The following ZMYM2 variants were observed in gnomAD, a reference collection of about 807,000 sequenced individuals.
ZMYM2 encodes zinc finger MYM-type protein 2.
A neutral mutation model predicts 162.8 loss-of-function variants in ZMYM2; 56 were observed. The observed-to-expected ratio is 0.34, with a 90% CI of 0.28 to 0.43. The LOEUF (loss-of-function observed/expected upper bound fraction) is 0.43, where lower values mean the gene tolerates loss of function less well. Among genes scored for constraint, ZMYM2 ranks in the 20% least tolerant of loss-of-function variants. The probability of loss-of-function intolerance (pLI) is 1.00; values close to 1 mark genes in which losing one functional copy is unlikely to be tolerated. For synonymous variants in ZMYM2, 510 were observed against 541.6 expected (o/e 0.94, Z 0.81); for missense variants, 1,275 against 1,621.8 (o/e 0.79, Z 3.67).
At chr13:20,020,627 G>GT (rs1304101751) in intron 7 of ZMYM2, among the ~76,000 whole-genome samples, 1 of 148,886 alleles carries the variant, frequency 6.7e-6, no homozygotes, top group African/African-American at 2.4e-5. Flanking sequence ...ACTGAGGCTT[G>GT]TTTTTTGTTT....
Position 20,003,018 on chromosome 13 carries a change from A to T in ZMYM2, c.1016A>T (p.Gln339Leu). The T allele has an allele frequency of 6.2e-7, 1 of 1,614,196 alleles. No individual in the cohort carries two copies. The highest frequency in any genetic ancestry group is 8.5e-7 in the Non-Finnish European group (1 of 1,180,032). The change falls in exon 4 of 25, where the codon CAG (glutamine) becomes CTG (leucine). Residue 339 changes from glutamine to leucine, a missense_variant. By Grantham distance (113) the Gln-to-Leu change is moderately radical (BLOSUM62 -2). Transcript: ENST00000610343. ...VTCANCKKPL[Q>L]KGQTAYQRKG... ...TGTGCAAACTGCAAAAAACCTTTAC[A>T]GAAGGGCCAGACAGCTTATCAACGA...
the ZMYM2 span, among the ~76,000 whole-genome samples, chr13:19,928,705 G>A: frequency 6.6e-6 from 1 of 151,814 alleles, no homozygotes; most frequent in Non-Finnish European, 1.5e-5. Flanking sequence ...GCTGAGGCAG[G>A]ACAATGGCTT....
At chr13:20,009,238 A>G (rs533795818) in intron 6 of ZMYM2, among the ~76,000 whole-genome samples, 3 of 152,302 alleles carry the variant, frequency 2.0e-5, no homozygotes, top group East Asian at 1.9e-4. Flanking sequence ...ACAAATTTCT[A>G]TAGATGAAAT....
chr13:19,956,676 G>A (rs1357630743), upstream of ZMYM2, among the ~76,000 whole-genome samples: 3 of 152,174 alleles, frequency 2.0e-5, no homozygotes, highest in Non-Finnish European at 4.4e-5. Context: ...AATAACACTA[G>A]GGAATTAGTA....
chr13:20,001,257 T>TGGCACACACCTGTAATCC (rs1399790528), intron 3 of ZMYM2, among the ~76,000 whole-genome samples: 2 of 152,060 alleles, frequency 1.3e-5, no homozygotes, highest in African/African-American at 4.8e-5. Context: ...CTAGGTGTGG[T>TGGCACACACCTGTAATCC]GGCACACACC....
intron 16 of ZMYM2, 49 bp from the exon 17 acceptor site, chr13:20,061,004 T>C (rs950342907): frequency 4.6e-6 from 7 of 1,533,700 alleles, no homozygotes; most frequent in Middle Eastern, 1.7e-4. Context: ...TTTGGAAAAA[T>C]ACCTTTTAAT....
At chr13:19,998,620 A>T (rs977293708) in intron 3 of ZMYM2, among the ~76,000 whole-genome samples, 4 of 152,262 alleles carry the variant, frequency 2.6e-5, no homozygotes, top group Non-Finnish European at 4.4e-5. Flanking sequence ...AGTTACTGTG[A>T]TGATAGTTAA....
chr13:20,050,766 G>GT (rs1955251532), intron 12 of ZMYM2, among the ~76,000 whole-genome samples: 1 of 151,874 alleles, frequency 6.6e-6, no homozygotes, highest in Admixed American at 6.6e-5. Context: ...TTCTTGTATC[G>GT]TTTTTTGGTA....
chr13:19,878,849 G>A, the ZMYM2 span, among the ~76,000 whole-genome samples: 1 of 152,056 alleles, frequency 6.6e-6, no homozygotes, highest in Non-Finnish European at 1.5e-5. Flanking sequence ...TTGTTTCTTT[G>A]CTGTTGAATT....
At chr13:19,895,734 A>T in the ZMYM2 span, among the ~76,000 whole-genome samples, 2 of 151,846 alleles carry the variant, frequency 1.3e-5, no homozygotes, top group African/African-American at 4.9e-5. Context: ...ATTAAATTTC[A>T]ACCTGAATTT....
At chr13:20,069,093 C>G (rs747336321) in intron 21 of ZMYM2, among the ~76,000 whole-genome samples, 2 of 152,134 alleles carry the variant, frequency 1.3e-5, no homozygotes, top group Non-Finnish European at 2.9e-5. Context: ...GCATTACTTG[C>G]AAAATATAAC....
chr13:20,063,006 A>G (rs1451404317), intron 18 of ZMYM2, 35 bp downstream of exon 18: 7 of 1,574,598 alleles, frequency 4.4e-6, no homozygotes, highest in Non-Finnish European at 6.0e-6. Flanking sequence ...GAATTTAGTT[A>G]TGGAGTCAAC....
At chr13:20,020,325 C>A (rs1951970638) in intron 7 of ZMYM2, among the ~76,000 whole-genome samples, 1 of 151,876 alleles carries the variant, frequency 6.6e-6, no homozygotes, top group African/African-American at 2.4e-5. Flanking sequence ...ACCTCCGCCC[C>A]CTGGGTTCAA....
At chr13:20,045,160 T>A (rs1221915226) in intron 12 of ZMYM2, among the ~76,000 whole-genome samples, 4 of 152,026 alleles carry the variant, frequency 2.6e-5, no homozygotes, top group Non-Finnish European at 5.9e-5. Context: ...AGAACAGTAT[T>A]TAGTTTACTT....
intron 2 of ZMYM2, among the ~76,000 whole-genome samples, chr13:19,971,494 T>G (rs993968343): frequency 4.0e-5 from 6 of 151,782 alleles, no homozygotes; most frequent in African/African-American, 1.4e-4. Flanking sequence ...GGTCTCGAAC[T>G]CCTGATCTCA....
upstream of ZMYM2, among the ~76,000 whole-genome samples, chr13:19,955,206 T>C (rs1422312193): frequency 6.6e-6 from 1 of 152,036 alleles, no homozygotes; most frequent in Admixed American, 6.6e-5. Flanking sequence ...GGTAGAGATA[T>C]CAATATGGTC....
At chr13:19,946,516 C>A in the ZMYM2 span, among the ~76,000 whole-genome samples, 1 of 152,230 alleles carries the variant, frequency 6.6e-6, no homozygotes, top group Non-Finnish European at 1.5e-5. Context: ...TGGTCCTCAT[C>A]GTTATTCTGT....
the ZMYM2 span, among the ~76,000 whole-genome samples, chr13:19,872,976 G>A: frequency 4.0e-5 from 6 of 150,384 alleles, no homozygotes; most frequent in Admixed American, 4.1e-4. Context: ...CTCCAGCCAG[G>A]GTGACAGAGT....
chr13:19,990,822 A>G (rs959889526), intron 2 of ZMYM2, among the ~76,000 whole-genome samples: 3 of 152,182 alleles, frequency 2.0e-5, no homozygotes, highest in African/African-American at 7.2e-5. Context: ...AAACCACTGT[A>G]TATAAGCCAC....
Sources: allele counts gnomAD v4.1 joint callset (sites outside exome capture counted in the v4.1 genomes callset), GRCh38; gene constraint gnomAD v4.1.1; transcripts MANE v1.5; gene names NCBI Gene and HGNC (gene_info 2026-07-23, HGNC 2026-07-21).